Variants in FBLN1 observed in about 807,000 individuals in gnomAD.
FBLN1 encodes fibulin 1, also known as fibulin-1.
A neutral mutation model predicts 89.7 loss-of-function variants in FBLN1; 34 were observed. The observed-to-expected ratio is 0.38, with a 90% CI of 0.29 to 0.50. The LOEUF (loss-of-function observed/expected upper bound fraction) is 0.50, where lower values mean the gene tolerates loss of function less well. Ranked by LOEUF, FBLN1 falls within the 20% of genes least tolerant of loss-of-function variation. The probability of loss-of-function intolerance (pLI) is 0.92; values close to 1 mark genes in which losing one functional copy is unlikely to be tolerated. For missense variants in FBLN1, 777 were observed against 988.1 expected (o/e 0.79, Z 2.86); for synonymous variants, 393 against 391.3 (o/e 1.00, Z -0.05).
intron 16 of FBLN1, among the ~76,000 whole-genome samples, chr22:45,589,294 C>A (rs1368467567): frequency 2.0e-5 from 3 of 151,996 alleles, no homozygotes; most frequent in African/African-American, 7.3e-5. Flanking sequence ...TGTGGGGTTC[C>A]TGCTGTCATG....
rs953748659 is a variant in FBLN1 at position 45,556,302 on chromosome 22, T to G, written c.1697+5687T>G. On this transcript the variant is annotated intron_variant, in intron 14 of 16. Transcript: ENST00000327858. This position sits in a 1 kb window ranked among gnomAD's most constrained non-coding sequence, Gnocchi z 4.6. ...TGAGCCACAGCACCTGGCCATGTTTTTAAAAGAAGGAGGAAATACTCACGA... is the reference window on the plus strand; with the variant it reads ...TGAGCCACAGCACCTGGCCATGTTTGTAAAAGAAGGAGGAAATACTCACGA... 2.6e-5 allele frequency among the ~76,000 whole-genome samples: 4 copies of G among 152,194 alleles called. No homozygotes were observed. The highest frequency in any genetic ancestry group is 4.4e-5 in the Non-Finnish European group (3 of 68,040).
In FBLN1 at chr22:45,580,764, C is replaced by T. The variant is rs1235934890; in HGVS notation, c.1972+3656C>T. On this transcript the variant is annotated intron_variant, in intron 16 of 16. Transcript: ENST00000327858. The surrounding 1 kb of genome is among the most constrained non-coding windows in gnomAD (Gnocchi z 8.6). ...TCAGCGCACAGGCCCCGGGGCTCGC[C>T]GTGTTCAGTCCTCCCAGAGTAACAG... 6.6e-6 allele frequency among the ~76,000 whole-genome samples: 1 copy of T among 152,060 alleles called. No homozygotes were observed. Among genetic ancestry groups the T allele is most frequent in the Non-Finnish European group, 1.5e-5 (1 of 68,012 alleles).
rs1262424128 is a variant in FBLN1 at position 45,562,857 on chromosome 22, G to A, written c.1698-11654G>A. ...CATCCCCGCGCTCTGCCGTTTCTCC[G>A]CTTGCTGGACCGGCCCTAACCCTCT... On this transcript the variant is annotated intron_variant, in intron 14 of 16. Coordinates refer to ENST00000327858, the MANE Select transcript of FBLN1 (RefSeq NM_006486.3). This position sits in a 1 kb window ranked among gnomAD's most constrained non-coding sequence, Gnocchi z 7.8. The A allele has an allele frequency of 5.1e-6, 8 of 1,564,802 alleles. No individual in the cohort carries two copies. Among genetic ancestry groups the A allele is most frequent in the East Asian group, 2.2e-5 (1 of 44,672 alleles).
At chr22:45,552,218 C>T (rs2088712426) in intron 14 of FBLN1, among the ~76,000 whole-genome samples, 1 of 152,212 alleles carries the variant, frequency 6.6e-6, no homozygotes, top group Admixed American at 6.5e-5. Context: ...CCTGGCTGGG[C>T]GTGAGGGTGG....
In FBLN1 at chr22:45,537,961, C is replaced by T. The variant is rs2088504468; in HGVS notation, c.922+2624C>T. ...TGAGGATGGAAACCCTGACTCATGG[C>T]AAAATCAGCCCCGATTTCCACAAAG... On this transcript the variant is annotated intron_variant, in intron 8 of 16. Coordinates refer to ENST00000327858, the MANE Select transcript of FBLN1 (RefSeq NM_006486.3). The surrounding 1 kb of genome is among the most constrained non-coding windows in gnomAD (Gnocchi z 5.7). Among the ~76,000 whole-genome samples, 1 of 152,242 alleles carries T rather than the reference C, an allele frequency of 6.6e-6. No individual in the cohort carries two copies. Among genetic ancestry groups the T allele is most frequent in the South Asian group, 2.1e-4 (1 of 4,830 alleles).
chr22:45,535,377 A>C, intron 8 of FBLN1, 40 bp downstream of exon 8: 1 of 1,612,728 alleles, frequency 6.2e-7, no homozygotes. Flanking sequence ...TTATTCCAGG[A>C]GGGGCCAGCG....
Position 45,580,625 on chromosome 22 carries a change from G to C in FBLN1, c.1972+3517G>C, listed in dbSNP as rs112255286. Among the ~76,000 whole-genome samples the C allele has an allele frequency of 2.3e-3, 357 of 152,364 alleles. No individual in the cohort carries two copies. The highest frequency in any genetic ancestry group is 8.2e-3 in the African/African-American group (341 of 41,602). ...GGCCACTCAGAGCTGGGGCCAGAGCGGGCCTGGAGCCCGGTCTTCCCCAGA... is the reference window on the plus strand; with the variant it reads ...GGCCACTCAGAGCTGGGGCCAGAGCCGGCCTGGAGCCCGGTCTTCCCCAGA... On this transcript the variant is annotated intron_variant, in intron 16 of 16. Transcript: ENST00000327858. This position sits in a 1 kb window ranked among gnomAD's most constrained non-coding sequence, Gnocchi z 8.6.
Position 45,550,658 on chromosome 22 carries a change from C to T in FBLN1, c.1697+43C>T. The T allele has an allele frequency of 6.2e-7, 1 of 1,613,810 alleles. No individual in the cohort carries two copies. The highest frequency in any genetic ancestry group is 1.3e-5 in the African/African-American group (1 of 75,044). On this transcript the variant is annotated intron_variant, in intron 14 of 16. Coordinates refer to ENST00000327858, the MANE Select transcript of FBLN1 (RefSeq NM_006486.3). This position sits in a 1 kb window ranked among gnomAD's most constrained non-coding sequence, Gnocchi z 8.4. ...TGCCATCGTCGTCTGTCTGTGTTGG[C>T]CTTCCTGGTGACCCAGTTCCCGGGT...
At chr22:45,559,891 C>T (rs1261610066) in intron 14 of FBLN1, among the ~76,000 whole-genome samples, 1 of 152,172 alleles carries the variant, frequency 6.6e-6, no homozygotes, top group African/African-American at 2.4e-5. Flanking sequence ...TCAAGAGGAC[C>T]CGCCTCCCCT....
intron 16 of FBLN1, among the ~76,000 whole-genome samples, chr22:45,594,950 A>G (rs907086464): frequency 6.6e-6 from 1 of 152,190 alleles, no homozygotes; most frequent in African/African-American, 2.4e-5. Context: ...AAGTGGTATC[A>G]GAATCTTGAT....
intron 11 of FBLN1, among the ~76,000 whole-genome samples, chr22:45,546,684 C>T (rs1484126745): frequency 1.3e-5 from 2 of 152,158 alleles, no homozygotes; most frequent in Non-Finnish European, 2.9e-5. Context: ...GGAGTACTGG[C>T]GTATGGGCTG....
intron 14 of FBLN1, chr22:45,564,875 T>A: frequency 6.2e-7 from 1 of 1,613,760 alleles, no homozygotes; most frequent in Non-Finnish European, 8.5e-7. Flanking sequence ...GTGCTGACAC[T>A]GTTTCCAGGC....
rs2146661985 is a variant in FBLN1 at position 45,590,131 on chromosome 22, CAGAT to C, written c.1973-10172_1973-10169del. Among the ~76,000 whole-genome samples the C allele has an allele frequency of 6.6e-6, 1 of 152,346 alleles. No individual in the cohort carries two copies. Among genetic ancestry groups the C allele is most frequent in the East Asian group, 1.9e-4 (1 of 5,176 alleles). On this transcript the variant is annotated intron_variant, in intron 16 of 16. Coordinates refer to ENST00000327858, the MANE Select transcript of FBLN1 (RefSeq NM_006486.3). The surrounding 1 kb of genome is among the most constrained non-coding windows in gnomAD (Gnocchi z 4.1). ...CCCACAGCAAGTGCTCTGTGCTTGTCAGATAGAGAAGAGAGGGCTCTGCTCTGAC... is the reference window on the plus strand; with the variant it reads ...CCCACAGCAAGTGCTCTGTGCTTGTCAGAGAAGAGAGGGCTCTGCTCTGAC...
At position 45,562,787 on chromosome 22, in the gene FBLN1, T is replaced by C; in HGVS notation, c.1698-11724T>C. The C allele has an allele frequency of 1.1e-6, 1 of 936,358 alleles. No individual in the cohort carries two copies. The highest frequency in any genetic ancestry group is 1.7e-6 in the Non-Finnish European group (1 of 577,370). The allele number at this position is 936,358 out of a possible 1,614,324, so 58.0% of individuals were successfully genotyped here. On this transcript the variant is annotated intron_variant, in intron 14 of 16. Transcript: ENST00000327858. The surrounding 1 kb of genome is among the most constrained non-coding windows in gnomAD (Gnocchi z 7.8). ...AGTGAGGTGTGCCCTTCGTGTTGGC[T>C]GAATCGGCCAGAGGGGCGGCGGGAG...
chr22:45,564,688 G>A (rs1415507092), intron 14 of FBLN1, among the ~76,000 whole-genome samples: 3 of 152,148 alleles, frequency 2.0e-5, no homozygotes, highest in Non-Finnish European at 2.9e-5. Flanking sequence ...TTTGTCTTCC[G>A]CACCTTCCAG....
At position 45,576,138 on chromosome 22, in the gene FBLN1, C is replaced by T. The variant is rs374201497; in HGVS notation, c.1841-839C>T. On this transcript the variant is annotated intron_variant, in intron 15 of 16. Transcript: ENST00000327858. This position sits in a 1 kb window ranked among gnomAD's most constrained non-coding sequence, Gnocchi z 5.2. Reference sequence around the variant, plus strand: ...GTTTGCTCCTCCCGAAAAGGAATAACGCTGAATCGTCACAGGGTGGCACAG... The same window carrying T: ...GTTTGCTCCTCCCGAAAAGGAATAATGCTGAATCGTCACAGGGTGGCACAG... Among the ~76,000 whole-genome samples the T allele has an allele frequency of 1.3e-5, 2 of 152,214 alleles. No homozygotes were observed. The highest frequency in any genetic ancestry group is 2.1e-4 in the South Asian group (1 of 4,834).
In FBLN1 at chr22:45,577,772, T is replaced by C. The variant is rs563851723; in HGVS notation, c.1972+664T>C. The C allele has an allele frequency of 1.5e-4, 26 of 169,370 alleles. No individual in the cohort carries two copies. Among genetic ancestry groups the C allele is most frequent in the African/African-American group, 6.2e-4 (26 of 41,958 alleles). 10.5% of individuals were successfully genotyped at this position (169,370 alleles called of 1,614,324 possible). ...GGACTGTGGAAGTCCTGTTGGTGGG[T>C]GCAGGCTGGGGAAGATGTTTACAGG... is the stretch of plus-strand genomic sequence containing the variant. On this transcript the variant is annotated intron_variant, in intron 16 of 16. Coordinates refer to ENST00000327858, the MANE Select transcript of FBLN1 (RefSeq NM_006486.3). This position sits in a 1 kb window ranked among gnomAD's most constrained non-coding sequence, Gnocchi z 6.6.
Position 45,535,420 on chromosome 22 carries a change from G to C in FBLN1, c.922+83G>C, listed in dbSNP as rs369653723. The stretch of plus-strand genomic sequence containing the variant: ...CTTGGGGCAGGCCTCTAGAATCTGC[G>C]GGGCCGCATGGTATACAGAACAGGG... On this transcript the variant is annotated intron_variant, in intron 8 of 16. Transcript: ENST00000327858. 37 of 1,539,766 alleles carry C rather than the reference G, an allele frequency of 2.4e-5. 1 individual carries two copies. In the East Asian group the frequency reaches 4.4e-4, roughly 18 times the overall value.
chr22:45,562,428 T>C lies in FBLN1; in HGVS notation c.1697+11813T>C, dbSNP rs1182282154. Reference sequence around the variant, plus strand: ...AGCCACTGTCATGGGGTGGTGGCAGTGATCACACTAGAGAGTGCATGGTGA... The same window carrying C: ...AGCCACTGTCATGGGGTGGTGGCAGCGATCACACTAGAGAGTGCATGGTGA... On this transcript the variant is annotated intron_variant, in intron 14 of 16. Transcript: ENST00000327858. The surrounding 1 kb of genome is among the most constrained non-coding windows in gnomAD (Gnocchi z 7.8). Among the ~76,000 whole-genome samples, 5 of 152,192 alleles carry C rather than the reference T, an allele frequency of 3.3e-5. No homozygotes were observed. The highest frequency in any genetic ancestry group is 1.2e-4 in the African/African-American group (5 of 41,446).
Sources: allele counts gnomAD v4.1 joint callset (sites outside exome capture counted in the v4.1 genomes callset), GRCh38; gene constraint gnomAD v4.1.1; non-coding constraint Gnocchi (gnomAD v3.1); transcripts MANE v1.5; gene names NCBI Gene and HGNC (gene_info 2026-07-23, HGNC 2026-07-21).